NONO: variants seen among roughly 807,000 people sequenced by gnomAD.
The protein encoded by NONO is non-POU domain containing octamer binding, also known as non-POU domain-containing octamer-binding protein.
In NONO, 6 loss-of-function variants were observed where a neutral mutation model predicts 40.2. That is an observed-to-expected ratio of 0.15 (90% confidence interval 0.08 to 0.29). The LOEUF (loss-of-function observed/expected upper bound fraction) is 0.29. Ranked by LOEUF, NONO falls within the 10% of genes least tolerant of loss-of-function variation. The pLI, the probability that NONO is intolerant of heterozygous loss-of-function variation, is 1.00. For synonymous variants in NONO, 89 were observed against 123.3 expected, an observed-to-expected ratio of 0.72 and a Z score of 1.85; for missense variants, 133 against 397.8, an observed-to-expected ratio of 0.33 and a Z score of 5.66.
chrX:71,297,989 C>T, intron 9 of NONO, 51 bp downstream of exon 9: 1 of 831,711 alleles, frequency 1.2e-6, no homozygotes, highest in East Asian at 3.2e-5. Context: ...GATAAACTCA[C>T]CATGAATTGT....
chrX:71,284,451 G>A lies in NONO; in HGVS notation c.-12G>A, dbSNP rs2031144733. 8.9e-6 allele frequency: 1 copy of A among 111,993 alleles called. No homozygotes were observed. The highest frequency in any genetic ancestry group is 1.9e-5 in the Non-Finnish European group (1 of 53,212). The allele number at this position is 111,993 out of a possible 1,213,427, so 9.2% of individuals were successfully genotyped here. Reference sequence around the variant, plus strand: ...CACTTTGCTGTCTGCAATCGAAGTTGAGGTAGGTGTAAGGAAGGGATAGGG... The same window carrying A: ...CACTTTGCTGTCTGCAATCGAAGTTAAGGTAGGTGTAAGGAAGGGATAGGG... On this transcript the variant is annotated splice_region_variant and 5_prime_UTR_variant, in exon 2 of 12. Coordinates refer to ENST00000276079, the MANE Select transcript of NONO (RefSeq NM_007363.5).
chrX:71,295,656 T>C (rs1325349896), intron 5 of NONO, among the ~76,000 whole-genome samples: 1 of 107,710 alleles, frequency 9.3e-6, no homozygotes, highest in African/African-American at 3.4e-5. Context: ...CTGGACGCGG[T>C]GGTGGGCGCC....
intron 2 of NONO, among the ~76,000 whole-genome samples, chrX:71,287,070 A>C (rs962733292): frequency 2.7e-5 from 3 of 112,312 alleles, no homozygotes; most frequent in Non-Finnish European, 3.7e-5. Context: ...TCTGAGAAAT[A>C]TAATTTTCTG....
At chrX:71,285,186 G>A (rs1393649455) in intron 2 of NONO, 2 of 112,120 alleles carry the variant, frequency 1.8e-5, no homozygotes, top group Non-Finnish European at 3.8e-5. Flanking sequence ...CCGGGGCCAG[G>A]GGAAGAGAGA....
At chrX:71,295,220 C>CAAA (rs1193819209) in intron 5 of NONO, among the ~76,000 whole-genome samples, 12 of 31,068 alleles carry the variant, frequency 3.9e-4, no homozygotes, top group African/African-American at 9.1e-4. Context: ...GACTCTGTCT[C>CAAA]AAAAAAAAAA....
chrX:71,286,137 A>G (rs1236091906), intron 2 of NONO, among the ~76,000 whole-genome samples: 1 of 111,268 alleles, frequency 9.0e-6, no homozygotes, highest in Non-Finnish European at 1.9e-5. Flanking sequence ...ATCTGATTGT[A>G]ATTTCTGTTT....
Position 71,298,693 on chromosome X carries a change from C to T in NONO, c.1172-14C>T. 8.4e-7 allele frequency: 1 copy of T among 1,187,791 alleles called. No homozygotes were observed. The highest frequency in any genetic ancestry group is 2.2e-5 in the Admixed American group (1 of 45,429). ...ATCTTTATCCCTTGTGCTGATCACA[C>T]TACTCTGCCTTAGGTGCTATGGGCA... On this transcript the variant is annotated splice_polypyrimidine_tract_variant and intron_variant, in intron 10 of 11. Coordinates refer to ENST00000276079, the MANE Select transcript of NONO (RefSeq NM_007363.5).
Position 71,297,979 on chromosome X carries a change from G to C in NONO, c.1131+41G>C, listed in dbSNP as rs2031489667. 5 of 897,153 alleles carry C rather than the reference G, an allele frequency of 5.6e-6. No homozygotes were observed. In the Admixed American group the frequency reaches 1.2e-4, roughly 22 times the overall value. The allele number at this position is 897,153 out of a possible 1,213,427, so 73.9% of individuals were successfully genotyped here. On this transcript the variant is annotated intron_variant, in intron 9 of 11. Transcript: ENST00000276079. The stretch of plus-strand genomic sequence containing the variant: ...GCCCGTGATGTACCAGACCAGTCCT[G>C]ATAAACTCACCATGAATTGTCTGCT...
chrX:71,297,583 C>T, intron 8 of NONO, 122 bp downstream of exon 8: 2 of 581,273 alleles, frequency 3.4e-6, no homozygotes, highest in Non-Finnish European at 5.5e-6. Context: ...CTGGCTGCTT[C>T]TCAGGTTCTT....
chrX:71,295,663 C>T (rs760721371), intron 5 of NONO, among the ~76,000 whole-genome samples: 3 of 108,465 alleles, frequency 2.8e-5, no homozygotes, highest in Non-Finnish European at 1.9e-5. Flanking sequence ...CGGTGGTGGG[C>T]GCCTGTGATC....
At chrX:71,285,671 C>A (rs1016993163) in intron 2 of NONO, among the ~76,000 whole-genome samples, 1 of 111,721 alleles carries the variant, frequency 9.0e-6, no homozygotes, top group Non-Finnish European at 1.9e-5. Flanking sequence ...TTGACATTAG[C>A]AGAAATGAGG....
At position 71,286,187 on chromosome X, in the gene NONO, A is replaced by G. The variant is rs1308931570; in HGVS notation, c.-10+1734A>G. ...AAAATTTTAAGTTGTAATTTCTGAT[A>G]CCTTATAACATTAATGAGAAACAAA... On this transcript the variant is annotated intron_variant, in intron 2 of 11. Coordinates refer to ENST00000276079, the MANE Select transcript of NONO (RefSeq NM_007363.5). Among the ~76,000 whole-genome samples, 3 of 111,821 alleles carry G rather than the reference A, an allele frequency of 2.7e-5. No homozygotes were observed. The Admixed American group carries it at 2.9e-4, about 11-fold the overall frequency.
chrX:71,299,824 C>A, intron 11 of NONO, 118 bp from the exon 12 acceptor site: 1 of 920,123 alleles, frequency 1.1e-6, no homozygotes, highest in Non-Finnish European at 1.5e-6. Context: ...CCACTCCTAC[C>A]TACCATCAGG....
intron 4 of NONO, chrX:71,293,116 T>C (rs988467140): frequency 1.8e-5 from 2 of 112,804 alleles, no homozygotes; most frequent in East Asian, 2.8e-4. Context: ...AAGAGAATAA[T>C]GTGACAGCAG....
chrX:71,296,130 TTTTC>T (rs1255766186), intron 5 of NONO, among the ~76,000 whole-genome samples: 1 of 109,384 alleles, frequency 9.1e-6, no homozygotes, highest in African/African-American at 3.4e-5. Flanking sequence ...AGATTTTCTT[TTTTC>T]TTTTTCTTTT....
At chrX:71,288,436 C>T (rs2031250271) in intron 2 of NONO, among the ~76,000 whole-genome samples, 1 of 110,882 alleles carries the variant, frequency 9.0e-6, no homozygotes, top group African/African-American at 3.3e-5. Context: ...GATGGAGTTT[C>T]ACTCTTGTGC....
chrX:71,296,088 G>A (rs946905612), intron 5 of NONO, among the ~76,000 whole-genome samples: 4 of 109,192 alleles, frequency 3.7e-5, no homozygotes, highest in Non-Finnish European at 5.7e-5. Flanking sequence ...TGTATTCAGA[G>A]ATCTAAGTCC....
intron 5 of NONO, among the ~76,000 whole-genome samples, chrX:71,295,540 A>G (rs767688581): frequency 4.9e-4 from 54 of 110,357 alleles, no homozygotes; most frequent in African/African-American, 1.7e-3. Context: ...TGCCTGTAAT[A>G]CCAACACTTC....
chrX:71,285,124 A>G (rs1005603054), intron 2 of NONO: 7 of 112,120 alleles, frequency 6.2e-5, no homozygotes, highest in Admixed American at 5.7e-4. Flanking sequence ...GGGCACTGTT[A>G]TAGGTGCTTT....
Sources: gnomAD v4.1 joint callset for allele counts (sites outside exome capture counted in the v4.1 genomes callset) on GRCh38, gnomAD v4.1.1 for gene constraint, MANE v1.5 for transcripts, NCBI Gene and HGNC (gene_info 2026-07-23, HGNC 2026-07-21) for gene names.